Variants in NPEPPS observed in about 807,000 individuals in gnomAD.
NPEPPS encodes the protein puromycin-sensitive aminopeptidase.
A neutral mutation model predicts 115.5 loss-of-function variants in NPEPPS; 14 were observed. That is an observed-to-expected ratio of 0.12 (90% confidence interval 0.08 to 0.19). The LOEUF is 0.19. Ranked by LOEUF, NPEPPS falls within the 10% of genes least tolerant of loss-of-function variation. The pLI, the probability that NPEPPS is intolerant of heterozygous loss-of-function variation, is 1.00. For missense variants in NPEPPS, 523 were observed against 1,110.8 expected, an observed-to-expected ratio of 0.47 and a Z score of 7.52; for synonymous variants, 285 against 390.6, an observed-to-expected ratio of 0.73 and a Z score of 3.19.
chr17:47,526,746 CAGGAGATCG>C (rs1383823509), upstream of NPEPPS, among the ~76,000 whole-genome samples: 1 of 151,552 alleles, frequency 6.6e-6, no homozygotes, highest in Non-Finnish European at 1.5e-5. Context: ...ATCACGATGT[CAGGAGATCG>C]AGACCATCCT....
At chr17:47,576,705 A>G (rs1911544106) in intron 3 of NPEPPS, among the ~76,000 whole-genome samples, 1 of 152,138 alleles carries the variant, frequency 6.6e-6, no homozygotes, top group Non-Finnish European at 1.5e-5. Flanking sequence ...TCAGTTGTTT[A>G]CTTTATAAAC....
At chr17:47,570,513 A>G (rs1597849096) in intron 3 of NPEPPS, among the ~76,000 whole-genome samples, 1 of 152,238 alleles carries the variant, frequency 6.6e-6, no homozygotes, top group East Asian at 1.9e-4. Context: ...ATTTTGATAT[A>G]CAACCAGAGA....
chr17:47,610,845 CTTTTT>C (rs59893483), intron 17 of NPEPPS, among the ~76,000 whole-genome samples: 1 of 100,116 alleles, frequency 1.0e-5, no homozygotes, highest in African/African-American at 4.2e-5. Flanking sequence ...TATGATGACT[CTTTTT>C]TTTTTTTTTT....
intron 2 of NPEPPS, among the ~76,000 whole-genome samples, chr17:47,554,491 A>T (rs1330622071): frequency 6.6e-6 from 1 of 152,122 alleles, no homozygotes; most frequent in Non-Finnish European, 1.5e-5. Context: ...CCTCCCAGTT[A>T]GCTAGGACTA....
At chr17:47,533,296 A>G (rs561392883) in intron 1 of NPEPPS, among the ~76,000 whole-genome samples, 139 of 152,118 alleles carry the variant, frequency 9.1e-4, no homozygotes, top group Middle Eastern at 3.4e-3. Flanking sequence ...AAGAATATGA[A>G]TCAGAACGAA....
intron 2 of NPEPPS, among the ~76,000 whole-genome samples, chr17:47,562,151 T>A (rs562737565): frequency 6.6e-6 from 1 of 152,248 alleles, no homozygotes; most frequent in African/African-American, 2.4e-5. Context: ...CGTGTTTTCC[T>A]GAGTTCTGGG....
intron 3 of NPEPPS, among the ~76,000 whole-genome samples, chr17:47,570,025 A>C (rs1383321376): frequency 1.3e-5 from 2 of 152,196 alleles, no homozygotes; most frequent in Non-Finnish European, 2.9e-5. Flanking sequence ...CTGTCACTCT[A>C]TATTCTCTTT....
At chr17:47,586,936 A>G (rs546431669) in intron 8 of NPEPPS, 40 of 399,570 alleles carry the variant, frequency 1.0e-4, no homozygotes, top group African/African-American at 7.0e-4. Flanking sequence ...TTCTCTCTCC[A>G]TCTAGCACAG....
At chr17:47,610,401 G>C (rs10163469) in intron 17 of NPEPPS, among the ~76,000 whole-genome samples, 6 of 150,664 alleles carry the variant, frequency 4.0e-5, no homozygotes, top group African/African-American at 1.2e-4. Context: ...TTTTGGGGGG[G>C]GGTAACAGAG....
chr17:47,584,753 T>C (rs1347900629), intron 5 of NPEPPS, among the ~76,000 whole-genome samples: 1 of 152,092 alleles, frequency 6.6e-6, no homozygotes, highest in Non-Finnish European at 1.5e-5. Flanking sequence ...CAAATAAGCT[T>C]AGAGCCAACT....
chr17:47,586,179 A>G lies in NPEPPS; in HGVS notation c.881A>G (p.Asp294Gly). ...GCTAAAACCTTGCCTTTTTATAAGGACTACTTCAATGTTCCTTATCCTCTA... is the reference window on the plus strand; with the variant it reads ...GCTAAAACCTTGCCTTTTTATAAGGGCTACTTCAATGTTCCTTATCCTCTA... ...VAAKTLPFYK[D>G]YFNVPYPLPK... Residue 294 changes from aspartate to glycine, a missense_variant, in exon 7 of 23, where the codon GAC becomes GGC. Transcript: ENST00000322157. 2.6e-6 allele frequency: 3 copies of G among 1,144,534 alleles called. No individual in the cohort carries two copies. Among genetic ancestry groups the G allele is most frequent in the African/African-American group, 3.2e-5 (2 of 61,562 alleles). 70.9% of individuals were successfully genotyped at this position (1,144,534 alleles called of 1,614,324 possible). A position where few individuals can be genotyped will look rare whatever the true frequency, so the allele number is the denominator to read the frequency against.
chr17:47,532,058 C>A (rs1056725682), intron 1 of NPEPPS, among the ~76,000 whole-genome samples: 1 of 151,812 alleles, frequency 6.6e-6, no homozygotes, highest in South Asian at 2.1e-4. Flanking sequence ...CTGGCCGCCG[C>A]GTTGGAGCGA....
rs924903403 is a variant in NPEPPS at position 47,537,895 on chromosome 17, CT to C, written c.255+6350del. On this transcript the variant is annotated intron_variant, in intron 1 of 22. Coordinates refer to ENST00000322157, the MANE Select transcript of NPEPPS (RefSeq NM_006310.4). ...CAGTTTCATATCTGTTTTTTTTTTT[CT>C]TTTTTTTTTCTTTTTGAGACGGAGT... Among the ~76,000 whole-genome samples the C allele has an allele frequency of 1.3e-3, 177 of 137,054 alleles. 1 individual carries two copies. Among genetic ancestry groups the C allele is most frequent in the African/African-American group, 4.5e-3 (167 of 37,156 alleles). The allele number at this position is 137,054 out of a possible 152,430, so 89.9% of individuals were successfully genotyped here.
chr17:47,570,743 T>C (rs1403442773), intron 3 of NPEPPS, among the ~76,000 whole-genome samples: 1 of 152,218 alleles, frequency 6.6e-6, no homozygotes, highest in Non-Finnish European at 1.5e-5. Flanking sequence ...CTAATAAACA[T>C]GTGAAAAGAT....
In NPEPPS at chr17:47,621,136, G is replaced by GT. The variant is rs532153781; in HGVS notation, c.2608-629dup. On this transcript the variant is annotated intron_variant, in intron 22 of 22. Transcript: ENST00000322157. ...GTTGAGGCTGTGATGAGCCATGATC[G>GT]TTTCATTGCACTCTAGCCTGGGCAA... is the stretch of plus-strand genomic sequence containing the variant. 3.0e-3 allele frequency among the ~76,000 whole-genome samples: 422 copies of GT among 139,868 alleles called. 1 individual carries two copies. Among genetic ancestry groups the GT allele is most frequent in the Admixed American group, 5.3e-3 (69 of 13,056 alleles). The allele number at this position is 139,868 out of a possible 152,430, so 91.8% of individuals were successfully genotyped here.
chr17:47,545,209 C>T (rs1415262376), intron 1 of NPEPPS, among the ~76,000 whole-genome samples: 1 of 152,144 alleles, frequency 6.6e-6, no homozygotes, highest in Non-Finnish European at 1.5e-5. Context: ...GTTGCCCAAG[C>T]TGGTCTTGAA....
rs1567877219 is a variant in NPEPPS at position 47,622,861 on chromosome 17, C to G, written c.*941C>G. 1 of 455,532 alleles carries G rather than the reference C, an allele frequency of 2.2e-6. No homozygotes were observed. Among genetic ancestry groups the G allele is most frequent in the East Asian group, 7.0e-5 (1 of 14,380 alleles). 28.2% of individuals were successfully genotyped at this position (455,532 alleles called of 1,614,324 possible). On this transcript the variant is annotated 3_prime_UTR_variant, in exon 23 of 23. Coordinates refer to ENST00000322157, the MANE Select transcript of NPEPPS (RefSeq NM_006310.4). ...TTGTCTGAAAAGCCAGCTCTTGAACCTCTTCACAACAGTATCAACACTGGC... is the reference window on the plus strand; with the variant it reads ...TTGTCTGAAAAGCCAGCTCTTGAACGTCTTCACAACAGTATCAACACTGGC...
intron 1 of NPEPPS, among the ~76,000 whole-genome samples, chr17:47,525,125 A>T (rs1174671787): frequency 6.6e-6 from 1 of 152,002 alleles, no homozygotes; most frequent in African/African-American, 2.4e-5. Flanking sequence ...AGAAGCCTGT[A>T]TGGAGCATAT....
At chr17:47,613,560 G>C in intron 18 of NPEPPS, 109 bp from the exon 19 acceptor site, 1 of 931,782 alleles carries the variant, frequency 1.1e-6, no homozygotes, top group Non-Finnish European at 1.7e-6. Flanking sequence ...AGTCACCGCA[G>C]CCGGCCAACA....
Sources: allele counts gnomAD v4.1 joint callset (sites outside exome capture counted in the v4.1 genomes callset), GRCh38; gene constraint gnomAD v4.1.1; transcripts MANE v1.5; gene names NCBI Gene and HGNC (gene_info 2026-07-23, HGNC 2026-07-21).